CTNNBIP1: variants seen among roughly 807,000 people sequenced by gnomAD.
CTNNBIP1 encodes the protein catenin beta interacting protein 1.
In CTNNBIP1, 7 loss-of-function variants were observed where a neutral mutation model predicts 11.8. That is an observed-to-expected ratio of 0.60 (90% CI 0.34 to 1.12). CTNNBIP1 has a LOEUF of 1.12. CTNNBIP1 is among the 50% of genes most tolerant of loss of function. The pLI, the probability that CTNNBIP1 is intolerant of heterozygous loss-of-function variation, is 0.03. For synonymous variants in CTNNBIP1, 58 were observed against 43.9 expected (o/e 1.32, Z -1.26); for missense variants, 101 against 113.4 (o/e 0.89, Z 0.50).
intron 1 of CTNNBIP1, among the ~76,000 whole-genome samples, chr1:9,887,475 G>A (rs1336826421): frequency 6.6e-6 from 1 of 152,218 alleles, no homozygotes; most frequent in African/African-American, 2.4e-5. Flanking sequence ...CCAGCACTTT[G>A]GAAGGTGGAG....
intron 1 of CTNNBIP1, among the ~76,000 whole-genome samples, chr1:9,893,474 C>T (rs1351423332): frequency 6.6e-6 from 1 of 152,164 alleles, no homozygotes; most frequent in African/African-American, 2.4e-5. Context: ...CAAAAAGACT[C>T]CAGTTTTTCC....
chr1:9,903,554 T>G (rs1639561511), intron 1 of CTNNBIP1, among the ~76,000 whole-genome samples: 1 of 152,230 alleles, frequency 6.6e-6, no homozygotes, highest in South Asian at 2.1e-4. Flanking sequence ...ATAATAGGTC[T>G]TTAATAACTG....
chr1:9,854,802 G>C (rs970811968), intron 5 of CTNNBIP1, among the ~76,000 whole-genome samples: 1 of 151,896 alleles, frequency 6.6e-6, no homozygotes, highest in Admixed American at 6.6e-5. Context: ...TCAACCTCCC[G>C]AGTAGCTGGG....
chr1:9,878,489 C>A (rs1452273842), intron 2 of CTNNBIP1, among the ~76,000 whole-genome samples: 2 of 152,160 alleles, frequency 1.3e-5, no homozygotes, highest in African/African-American at 4.8e-5. Context: ...CAGTTGTGCA[C>A]CTAAACATCA....
intron 3 of CTNNBIP1, among the ~76,000 whole-genome samples, chr1:9,875,780 C>T (rs1294960855): frequency 6.6e-6 from 1 of 152,208 alleles, no homozygotes; most frequent in Non-Finnish European, 1.5e-5. Flanking sequence ...AGAAATGCAG[C>T]CAGGAGCACA....
At chr1:9,881,329 ATTTTTTTTTT>A (rs60318288) in intron 2 of CTNNBIP1, among the ~76,000 whole-genome samples, 3 of 49,488 alleles carry the variant, frequency 6.1e-5, no homozygotes, top group East Asian at 1.4e-3. Flanking sequence ...CAGCCTTGAA[ATTTTTTTTTT>A]TTTTTTTTTT....
intron 1 of CTNNBIP1, among the ~76,000 whole-genome samples, chr1:9,900,351 T>C (rs918211521): frequency 1.3e-5 from 2 of 151,300 alleles, no homozygotes; most frequent in African/African-American, 4.9e-5. Flanking sequence ...CGGTGAGCTG[T>C]GATCGTGTCA....
intron 1 of CTNNBIP1, among the ~76,000 whole-genome samples, chr1:9,888,742 G>C (rs528350462): frequency 6.6e-6 from 1 of 152,106 alleles, no homozygotes; most frequent in African/African-American, 2.4e-5. Flanking sequence ...GTCTGCTGCC[G>C]TGGGAGTGAT....
intron 5 of CTNNBIP1, among the ~76,000 whole-genome samples, chr1:9,864,674 G>C (rs1014687056): frequency 1.3e-5 from 2 of 152,206 alleles, no homozygotes; most frequent in Non-Finnish European, 2.9e-5. Context: ...ACAGTTCTGC[G>C]GGTGACTGGC....
intron 5 of CTNNBIP1, among the ~76,000 whole-genome samples, chr1:9,854,236 T>C (rs1055587896): frequency 6.6e-6 from 1 of 152,100 alleles, no homozygotes; most frequent in Admixed American, 6.5e-5. Flanking sequence ...TAGCTGGGCA[T>C]GGTGGCACAT....
chr1:9,856,443 C>A (rs898649604), intron 5 of CTNNBIP1, among the ~76,000 whole-genome samples: 2 of 150,968 alleles, frequency 1.3e-5, no homozygotes, highest in Admixed American at 6.6e-5. Context: ...AGACAACACA[C>A]AGAATGAAAG....
intron 2 of CTNNBIP1, among the ~76,000 whole-genome samples, chr1:9,879,223 C>T (rs770015868): frequency 2.6e-5 from 4 of 151,842 alleles, no homozygotes; most frequent in African/African-American, 4.8e-5. Flanking sequence ...GCTTTTACAC[C>T]CACTTTTACT....
At chr1:9,852,546 T>C (rs937100698) in intron 5 of CTNNBIP1, among the ~76,000 whole-genome samples, 2 of 152,214 alleles carry the variant, frequency 1.3e-5, no homozygotes, top group Non-Finnish European at 2.9e-5. Context: ...GCCTGAGCCC[T>C]AGGACCACGC....
chr1:9,898,728 C>A (rs1557766301), intron 1 of CTNNBIP1, among the ~76,000 whole-genome samples: 2 of 152,186 alleles, frequency 1.3e-5, no homozygotes, highest in Admixed American at 1.3e-4. Flanking sequence ...GACCCCTACA[C>A]AGAAACCAAA....
chr1:9,874,803 C>G (rs1477820181), intron 3 of CTNNBIP1, among the ~76,000 whole-genome samples: 3 of 152,214 alleles, frequency 2.0e-5, no homozygotes, highest in African/African-American at 7.2e-5. Flanking sequence ...GTTAAGAGAC[C>G]AAGTACCTAA....
chr1:9,909,799 A>T (rs1639698457), intron 1 of CTNNBIP1, among the ~76,000 whole-genome samples: 2 of 152,000 alleles, frequency 1.3e-5, no homozygotes, highest in Non-Finnish European at 2.9e-5. Flanking sequence ...GGGAGGGCGG[A>T]CGGGCGATGA....
At chr1:9,886,488 G>C (rs1419018897) in intron 1 of CTNNBIP1, among the ~76,000 whole-genome samples, 1 of 152,206 alleles carries the variant, frequency 6.6e-6, no homozygotes, top group Non-Finnish European at 1.5e-5. Flanking sequence ...CACGTACTCT[G>C]GCTTACTCTG....
At chr1:9,868,002 G>A (rs559582062) in intron 5 of CTNNBIP1, among the ~76,000 whole-genome samples, 64 of 152,356 alleles carry the variant, frequency 4.2e-4, no homozygotes, top group African/African-American at 1.4e-3. Flanking sequence ...TGTTGTGTTT[G>A]TTTGTGGTGT....
intron 1 of CTNNBIP1, among the ~76,000 whole-genome samples, chr1:9,891,863 G>A (rs1299405812): frequency 7.0e-5 from 10 of 141,952 alleles, no homozygotes; most frequent in South Asian, 6.8e-4. Context: ...GTGCAGTGGC[G>A]CAATCTCGTT....
Sources: gnomAD v4.1 joint callset for allele counts (sites outside exome capture counted in the v4.1 genomes callset) on GRCh38, gnomAD v4.1.1 for gene constraint, MANE v1.5 for transcripts, NCBI Gene and HGNC (gene_info 2026-07-23, HGNC 2026-07-21) for gene names.